Variants in TOP2B observed in about 807,000 individuals in gnomAD.
TOP2B encodes the protein DNA topoisomerase II beta, also known as DNA topoisomerase 2-beta.
TOP2B carries 51 observed loss-of-function variants against 193.5 expected under a neutral mutation model. The observed-to-expected ratio is 0.26, with a 90% CI of 0.21 to 0.33. TOP2B has a LOEUF of 0.33. Among genes scored for constraint, TOP2B ranks in the 10% least tolerant of loss-of-function variants. TOP2B has a pLI of 1.00. For synonymous variants in TOP2B, 634 were observed against 635.7 expected, an observed-to-expected ratio of 1.00 and a Z score of 0.04; for missense variants, 1,378 against 1,909.3, an observed-to-expected ratio of 0.72 and a Z score of 5.19.
intron 1 of TOP2B, among the ~76,000 whole-genome samples, chr3:25,647,828 A>C (rs1310167075): frequency 1.3e-5 from 2 of 152,226 alleles, no homozygotes; most frequent in African/African-American, 2.4e-5. Flanking sequence ...TCTAAAAAAA[A>C]CAGGTAACAT....
intron 1 of TOP2B, among the ~76,000 whole-genome samples, chr3:25,652,129 AT>A (rs1457094525): frequency 6.6e-6 from 1 of 152,214 alleles, no homozygotes; most frequent in African/African-American, 2.4e-5. Flanking sequence ...AAAAGGGTCA[AT>A]TCACCAGTAA....
At position 25,601,343 on chromosome 3, in the gene TOP2B, C is replaced by T. The variant is rs1193949229; in HGVS notation, c.4490-118G>A. On this transcript the variant is annotated intron_variant, in intron 33 of 35. Transcript: ENST00000264331. ...TTAGAAACTGAGTTGCCTGGCTGGG[C>T]GTGGTGGCTCACACCTGTAATGCCA... 65 of 1,267,438 alleles carry T rather than the reference C, an allele frequency of 5.1e-5. No individual in the cohort carries two copies. In the South Asian group the frequency reaches 8.2e-4, roughly 16 times the overall value. 78.5% of individuals were successfully genotyped at this position (1,267,438 alleles called of 1,614,324 possible). A position where few individuals can be genotyped will look rare whatever the true frequency, so the allele number is the denominator to read the frequency against.
At chr3:25,663,805 A>G (rs902561560) in intron 1 of TOP2B, among the ~76,000 whole-genome samples, 1 of 151,654 alleles carries the variant, frequency 6.6e-6, no homozygotes, top group Non-Finnish European at 1.5e-5. Flanking sequence ...TTTAGAATAC[A>G]CACACACACA....
At chr3:25,659,125 A>G (rs1703836863) in intron 1 of TOP2B, among the ~76,000 whole-genome samples, 1 of 152,102 alleles carries the variant, frequency 6.6e-6, no homozygotes, top group African/African-American at 2.4e-5. Flanking sequence ...CTCAGACTTA[A>G]CACCAACCTT....
At chr3:25,659,816 C>T (rs764524087) in intron 1 of TOP2B, among the ~76,000 whole-genome samples, 4 of 152,136 alleles carry the variant, frequency 2.6e-5, no homozygotes, top group Admixed American at 2.6e-4. Flanking sequence ...TTTTGTCTTT[C>T]AATGTTTTTA....
intron 23 of TOP2B, among the ~76,000 whole-genome samples, chr3:25,619,161 T>C (rs535160034): frequency 5.4e-4 from 83 of 152,308 alleles, no homozygotes; most frequent in African/African-American, 2.0e-3. Flanking sequence ...AAAAATGATT[T>C]TTCCCCAAAC....
chr3:25,604,833 A>G lies in TOP2B; in HGVS notation c.4416T>C (p.Ala1472=). 1 of 1,612,932 alleles carries G rather than the reference A, an allele frequency of 6.2e-7. No homozygotes were observed. Among genetic ancestry groups the G allele is most frequent in the Non-Finnish European group, 8.5e-7 (1 of 1,179,374 alleles). The change falls in exon 33 of 36, where the codon GCT becomes GCC. Residue 1472 remains alanine (A), a synonymous_variant. Coordinates refer to ENST00000264331, the MANE Select transcript of TOP2B (RefSeq NM_001330700.2). Reference sequence around the variant, plus strand: ...GACCAAATGATGGTGAAAAAACAGAAGCAGAATCTTCTTCATTACTGTCAA... The same window carrying G: ...GACCAAATGATGGTGAAAAAACAGAGGCAGAATCTTCTTCATTACTGTCAA... ...AKFDSNEEDS[A]SVFSPSFGLK...
chr3:25,648,768 G>A (rs963007341), intron 1 of TOP2B, among the ~76,000 whole-genome samples: 85 of 152,130 alleles, frequency 5.6e-4, no homozygotes, highest in African/African-American at 2.0e-3. Context: ...AGGCTGAGAC[G>A]GGAGGATTGC....
At position 25,638,314 on chromosome 3, in the gene TOP2B, TAAAAAAAAAAAAAAAAAAAAAAAAA is replaced by T. The variant is rs56986587; in HGVS notation, c.396-29_396-5del. 2,074 of 131,586 alleles carry T rather than the reference TAAAAAAAAAAAAAAAAAAAAAAAAA, an allele frequency of 0.016. 4 individuals are homozygous for T. The highest frequency in any genetic ancestry group is 0.018 in the Non-Finnish European group (1,689 of 96,150). The allele number at this position is 131,586 out of a possible 1,614,324, so 8.2% of individuals were successfully genotyped here. The stretch of plus-strand genomic sequence containing the variant: ...AATGCTTATAATGTTAGATTCACTG[TAAAAAAAAAAAAAAAAAAAAAAAAA>T]AAAAAAAAAAAAAGCAGAATTTAGA... On this transcript the variant is annotated splice_region_variant and splice_polypyrimidine_tract_variant and intron_variant, in intron 4 of 35. Coordinates refer to ENST00000264331, the MANE Select transcript of TOP2B (RefSeq NM_001330700.2).
At chr3:25,644,218 A>G (rs190538890) in intron 2 of TOP2B, among the ~76,000 whole-genome samples, 1 of 152,248 alleles carries the variant, frequency 6.6e-6, no homozygotes, top group Admixed American at 6.5e-5. Flanking sequence ...GATATGAACA[A>G]GTTACTTAAA....
intron 1 of TOP2B, among the ~76,000 whole-genome samples, chr3:25,659,242 C>A (rs1246273127): frequency 6.6e-6 from 1 of 152,098 alleles, no homozygotes; most frequent in Non-Finnish European, 1.5e-5. Flanking sequence ...TATCTACCCA[C>A]CATTAATGAA....
In TOP2B at chr3:25,613,600, G is replaced by A. The variant is rs146050929; in HGVS notation, c.3592-891C>T. On this transcript the variant is annotated intron_variant, in intron 27 of 35. Transcript: ENST00000264331. ...ATGCAAAAATTAGCCAGATGTGGTG[G>A]CACACATGTCCCAGCTACTCAGGAG... Among the ~76,000 whole-genome samples, 16 of 152,056 alleles carry A rather than the reference G, an allele frequency of 1.1e-4. No homozygotes were observed. The East Asian group carries it at 3.1e-3, about 30-fold the overall frequency.
rs547647566 is a variant in TOP2B, at chr3:25,609,038, G to A, written c.4093+145C>T. On this transcript the variant is annotated intron_variant, in intron 30 of 35. Transcript: ENST00000264331. ...TATGTCCAACTTTGCTAGAAAGACT[G>A]TTCTATAAGGCAATTTTTTCCTTCT... 1.0e-4 allele frequency: 60 copies of A among 574,052 alleles called. No individual in the cohort carries two copies. The South Asian group carries it at 2.4e-3, about 23-fold the overall frequency. The allele number at this position is 574,052 out of a possible 1,614,324, so 35.6% of individuals were successfully genotyped here.
At chr3:25,656,021 ATT>A (rs1040568052) in intron 1 of TOP2B, among the ~76,000 whole-genome samples, 1 of 152,112 alleles carries the variant, frequency 6.6e-6, no homozygotes, top group Non-Finnish European at 1.5e-5. Context: ...TTAATGTTGT[ATT>A]TTTTTACAAC....
chr3:25,624,799 A>G lies in TOP2B; in HGVS notation c.2229T>C (p.Phe743=). The G allele has an allele frequency of 1.2e-6, 2 of 1,611,938 alleles. No homozygotes were observed. The highest frequency in any genetic ancestry group is 1.7e-6 in the Non-Finnish European group (2 of 1,179,156). ...ERSIPSLVDG[F]KPGQRKVLFT... is the part of the protein sequence containing the mutation. ...ATAAAACTTTCCGCTGGCCAGGTTT[A>G]AAGCCTATTTTTAAAAGAGCTCTTT... Residue 743 remains phenylalanine (F), a synonymous_variant, in exon 19 of 36, where the codon TTT becomes TTC. Transcript: ENST00000264331.
At chr3:25,651,148 T>C (rs1703575721) in intron 1 of TOP2B, among the ~76,000 whole-genome samples, 1 of 152,204 alleles carries the variant, frequency 6.6e-6, no homozygotes, top group Admixed American at 6.5e-5. Flanking sequence ...TCTTCTAGTA[T>C]TGTAATACAG....
chr3:25,628,978 A>G, intron 14 of TOP2B, 26 bp from the exon 15 acceptor site: 1 of 1,580,458 alleles, frequency 6.3e-7, no homozygotes, highest in Non-Finnish European at 8.6e-7. Flanking sequence ...AAACAAAATT[A>G]GTTTTTCTGC....
intron 1 of TOP2B, among the ~76,000 whole-genome samples, chr3:25,663,426 T>G (rs1332914782): frequency 6.6e-6 from 1 of 152,202 alleles, no homozygotes; most frequent in Non-Finnish European, 1.5e-5. Context: ...GCAAGTGAAA[T>G]GCCGGCGAAT....
intron 4 of TOP2B, among the ~76,000 whole-genome samples, chr3:25,640,519 A>G (rs1176317991): frequency 6.6e-6 from 1 of 152,182 alleles, no homozygotes; most frequent in Non-Finnish European, 1.5e-5. Context: ...TTGATACCTC[A>G]TTGACATTAA....
Sources: allele counts gnomAD v4.1 joint callset (sites outside exome capture counted in the v4.1 genomes callset), GRCh38; gene constraint gnomAD v4.1.1; transcripts MANE v1.5; gene names NCBI Gene and HGNC (gene_info 2026-07-23, HGNC 2026-07-21).